RAB10: variants seen among roughly 807,000 people sequenced by gnomAD.
RAB10 encodes ras-related protein Rab-10.
RAB10 carries 5 observed loss-of-function variants against 25.7 expected under a neutral mutation model. That is an observed-to-expected ratio of 0.19 (90% CI 0.10 to 0.41). RAB10 has a LOEUF of 0.41. Ranked by LOEUF, RAB10 falls within the 10% of genes least tolerant of loss-of-function variation. The pLI, the probability that RAB10 is intolerant of heterozygous loss-of-function variation, is 1.00. For missense variants in RAB10, 103 were observed against 245.8 expected, an observed-to-expected ratio of 0.42 and a Z score of 3.89; for synonymous variants, 89 against 86.4, an observed-to-expected ratio of 1.03 and a Z score of -0.16.
chr2:26,106,489 A>G (rs961359910), intron 2 of RAB10, among the ~76,000 whole-genome samples: 8 of 152,226 alleles, frequency 5.3e-5, no homozygotes, highest in African/African-American at 1.9e-4. Flanking sequence ...TCAATGGAGC[A>G]AGGTTATTAC....
intron 1 of RAB10, among the ~76,000 whole-genome samples, chr2:26,066,871 C>G (rs1259247117): frequency 6.6e-6 from 1 of 151,734 alleles, no homozygotes; most frequent in East Asian, 1.9e-4. Context: ...CAGCCTCCAC[C>G]TCCCAGGTTC....
At chr2:26,063,401 T>A (rs1666450312) in intron 1 of RAB10, among the ~76,000 whole-genome samples, 1 of 150,980 alleles carries the variant, frequency 6.6e-6, no homozygotes, top group South Asian at 2.1e-4. Flanking sequence ...ACCATTTTAT[T>A]ACATTTGCTC....
chr2:26,044,006 G>T (rs1665943823), intron 1 of RAB10, among the ~76,000 whole-genome samples: 1 of 152,118 alleles, frequency 6.6e-6, no homozygotes, highest in Non-Finnish European at 1.5e-5. Flanking sequence ...GAAATAGGAA[G>T]GTGTTTAATG....
intron 1 of RAB10, among the ~76,000 whole-genome samples, chr2:26,065,035 C>T (rs1336114417): frequency 6.6e-6 from 1 of 152,156 alleles, no homozygotes; most frequent in African/African-American, 2.4e-5. Flanking sequence ...GCTCTGTAGC[C>T]TGGGTGACAG....
intron 1 of RAB10, among the ~76,000 whole-genome samples, chr2:26,062,367 T>TCCC (rs570604609): frequency 2.6e-5 from 4 of 152,056 alleles, no homozygotes; most frequent in South Asian, 2.1e-4. Context: ...CATCCCCTCC[T>TCCC]CCCCAAACAA....
chr2:26,069,304 A>G (rs1376992373), intron 1 of RAB10, among the ~76,000 whole-genome samples: 1 of 152,148 alleles, frequency 6.6e-6, no homozygotes, highest in Non-Finnish European at 1.5e-5. Context: ...GCTGAGTTGT[A>G]GTGTTCTTTG....
chr2:26,076,622 A>G (rs1390393128), intron 1 of RAB10, among the ~76,000 whole-genome samples: 1 of 152,162 alleles, frequency 6.6e-6, no homozygotes, highest in Non-Finnish European at 1.5e-5. Context: ...GTTCTTTTAC[A>G]CAAAAAAGTT....
chr2:26,133,400 G>GA (rs983914418), intron 5 of RAB10, among the ~76,000 whole-genome samples: 1 of 152,134 alleles, frequency 6.6e-6, no homozygotes, highest in South Asian at 2.1e-4. Context: ...GTTAGGAATA[G>GA]AAAAAAACTA....
In RAB10 at chr2:26,089,688, A is replaced by G. The variant is rs949798702; in HGVS notation, c.128-8974A>G. Reference sequence around the variant, plus strand: ...TCTGTTATTCAACTCCATATTCTCTAGTCATATGTTTCTAAACTTTAAAAA... The same window carrying G: ...TCTGTTATTCAACTCCATATTCTCTGGTCATATGTTTCTAAACTTTAAAAA... On this transcript the variant is annotated intron_variant, in intron 1 of 5. Transcript: ENST00000264710. Among the ~76,000 whole-genome samples, 98 of 152,210 alleles carry G rather than the reference A, an allele frequency of 6.4e-4. 1 individual carries two copies. The highest frequency in any genetic ancestry group is 2.3e-3 in the African/African-American group (96 of 41,540).
intron 1 of RAB10, among the ~76,000 whole-genome samples, chr2:26,064,211 A>T (rs756525764): frequency 1.2e-4 from 18 of 152,232 alleles, no homozygotes; most frequent in Non-Finnish European, 2.5e-4. Context: ...AATAATAATG[A>T]GGTCCAAATC....
chr2:26,117,637 A>AAAAAAAAAAAAC, intron 3 of RAB10, among the ~76,000 whole-genome samples: 1 of 138,136 alleles, frequency 7.2e-6, no homozygotes, highest in Non-Finnish European at 1.6e-5. Context: ...AAAAAAAAAC[A>AAAAAAAAAAAAC]AAAAAAACAA....
At chr2:26,078,752 A>T (rs1666794782) in intron 1 of RAB10, among the ~76,000 whole-genome samples, 1 of 152,222 alleles carries the variant, frequency 6.6e-6, no homozygotes, top group South Asian at 2.1e-4. Context: ...CAAGTTACTA[A>T]AAGCCAGAGT....
chr2:26,135,118 T>A lies in RAB10; in HGVS notation c.*97T>A. The A allele has an allele frequency of 1.0e-6, 1 of 958,106 alleles. No homozygotes were observed. Among genetic ancestry groups the A allele is most frequent in the Non-Finnish European group, 1.5e-6 (1 of 664,026 alleles). 59.4% of individuals were successfully genotyped at this position (958,106 alleles called of 1,614,324 possible). ...TCCATTTTTAACTCTAAACAGATAT[T>A]TTTGTTTCTCATCTTAACTATCCAA... On this transcript the variant is annotated 3_prime_UTR_variant, in exon 6 of 6. Coordinates refer to ENST00000264710, the MANE Select transcript of RAB10 (RefSeq NM_016131.5).
chr2:26,055,536 C>T (rs1666242308), intron 1 of RAB10, among the ~76,000 whole-genome samples: 1 of 151,914 alleles, frequency 6.6e-6, no homozygotes, highest in Non-Finnish European at 1.5e-5. Context: ...TACAGGTGCA[C>T]ACCACTGCGC....
intron 1 of RAB10, among the ~76,000 whole-genome samples, chr2:26,047,690 G>T (rs1257545054): frequency 1.3e-5 from 2 of 149,724 alleles, no homozygotes; most frequent in East Asian, 3.9e-4. Context: ...CCAAAGTGTT[G>T]GGATTACAGG....
intron 4 of RAB10, 64 bp downstream of exon 4, chr2:26,127,297 AT>A (rs1218985601): frequency 3.3e-6 from 4 of 1,199,508 alleles, no homozygotes; most frequent in African/African-American, 1.6e-5. Context: ...ACTTTTGATT[AT>A]TTTTATAGTA....
chr2:26,128,499 T>A (rs1198701531), intron 5 of RAB10, among the ~76,000 whole-genome samples: 1 of 152,244 alleles, frequency 6.6e-6, no homozygotes, highest in Non-Finnish European at 1.5e-5. Flanking sequence ...ACAGTCACTG[T>A]CTAGTCCCTA....
At chr2:26,085,210 C>T (rs775195107) in intron 1 of RAB10, among the ~76,000 whole-genome samples, 19 of 152,026 alleles carry the variant, frequency 1.2e-4, no homozygotes, top group African/African-American at 3.4e-4. Context: ...AACAACAGGC[C>T]GGGGGCAGTG....
chr2:26,097,902 G>A (rs4665307), intron 1 of RAB10, among the ~76,000 whole-genome samples: 152,090 of 152,286 alleles, frequency 1, 75,947 homozygotes, highest in Middle Eastern at 1. Context: ...ATCCCTTCCT[G>A]AAGAATAGAC....
Sources: gnomAD v4.1 joint callset for allele counts (sites outside exome capture counted in the v4.1 genomes callset) on GRCh38, gnomAD v4.1.1 for gene constraint, MANE v1.5 for transcripts, NCBI Gene and HGNC (gene_info 2026-07-23, HGNC 2026-07-21) for gene names.